Variants in DIS3L2 observed in about 807,000 individuals in gnomAD.
DIS3L2 encodes the protein DIS3 like 3'-5' exoribonuclease 2, also known as DIS3-like exonuclease 2.
Under a neutral mutation model 97.5 loss-of-function variants are expected in DIS3L2, and 34 were observed. The observed-to-expected ratio is 0.35, with a 90% CI of 0.27 to 0.46. The LOEUF is 0.46. Among genes scored for constraint, DIS3L2 ranks in the 20% least tolerant of loss-of-function variants. DIS3L2 has a pLI of 1.00. For missense variants in DIS3L2, 1,038 were observed against 1,146.0 expected (o/e 0.91, Z 1.36); for synonymous variants, 435 against 445.2 (o/e 0.98, Z 0.29).
intron 5 of DIS3L2, among the ~76,000 whole-genome samples, chr2:232,080,573 GTC>G (rs1051318929): frequency 1.3e-5 from 2 of 151,754 alleles, no homozygotes; most frequent in Non-Finnish European, 2.9e-5. Flanking sequence ...TCAGATTTTT[GTC>G]TCTCCTCCTT....
chr2:232,118,915 G>T (rs1165233753), intron 6 of DIS3L2, among the ~76,000 whole-genome samples: 1 of 152,194 alleles, frequency 6.6e-6, no homozygotes, highest in Non-Finnish European at 1.5e-5. Flanking sequence ...TCTCAGAAAT[G>T]ATGCTATCTG....
intron 5 of DIS3L2, among the ~76,000 whole-genome samples, chr2:232,033,793 C>T (rs962920617): frequency 6.6e-6 from 1 of 152,138 alleles, no homozygotes; most frequent in African/African-American, 2.4e-5. Context: ...TATATTGAAC[C>T]AGCCTTGCAT....
chr2:232,226,767 T>C (rs1365932849), intron 10 of DIS3L2, among the ~76,000 whole-genome samples: 2 of 151,796 alleles, frequency 1.3e-5, no homozygotes, highest in African/African-American at 4.8e-5. Flanking sequence ...AGCCTAGGAG[T>C]TCGACCCCAG....
intron 9 of DIS3L2, among the ~76,000 whole-genome samples, chr2:232,190,490 G>A (rs959774202): frequency 1.4e-4 from 22 of 152,186 alleles, no homozygotes; most frequent in South Asian, 1.2e-3. Flanking sequence ...GAACATGAAC[G>A]ACACAATTTT....
intron 7 of DIS3L2, chr2:232,131,859 G>A (rs1225623249): frequency 6.7e-6 from 1 of 149,050 alleles, no homozygotes; most frequent in Non-Finnish European, 1.5e-5. Context: ...AGAATGAATG[G>A]AAAGCCTGGG....
intron 6 of DIS3L2, among the ~76,000 whole-genome samples, chr2:232,122,598 A>T (rs1444799645): frequency 6.6e-6 from 1 of 152,082 alleles, no homozygotes; most frequent in Non-Finnish European, 1.5e-5. Flanking sequence ...GGTGCCTGTA[A>T]TCCCAGCTAC....
intron 9 of DIS3L2, among the ~76,000 whole-genome samples, chr2:232,199,272 A>T (rs1170927338): frequency 6.6e-6 from 1 of 152,222 alleles, no homozygotes; most frequent in Non-Finnish European, 1.5e-5. Context: ...TCTTGAAAAA[A>T]GTCATGTTTG....
chr2:232,336,640 G>GCCGCCTGCCCCGCCTGCC lies in DIS3L2; in HGVS notation c.*20_*37dup, dbSNP rs538186468. The GCCGCCTGCCCCGCCTGCC allele has an allele frequency of 9.0e-6, 14 of 1,552,062 alleles. No homozygotes were observed. The highest frequency in any genetic ancestry group is 3.8e-5 in the Admixed American group (2 of 52,218). On this transcript the variant is annotated 3_prime_UTR_variant, in exon 21 of 21. Coordinates refer to ENST00000325385, the MANE Select transcript of DIS3L2 (RefSeq NM_152383.5). Reference sequence around the variant, plus strand: ...CTCAAGCACCAGCTGAGCTCCACCAGCCGCCTGCCCCGCCTGCCCCGCCTG... The same window carrying GCCGCCTGCCCCGCCTGCC: ...CTCAAGCACCAGCTGAGCTCCACCAGCCGCCTGCCCCGCCTGCCCCGCCTGCCCCGCCTGCCCCGCCTG...
At chr2:231,968,053 TG>T (rs1692775038) in intron 1 of DIS3L2, among the ~76,000 whole-genome samples, 1 of 152,118 alleles carries the variant, frequency 6.6e-6, no homozygotes, top group African/African-American at 2.4e-5. Flanking sequence ...TGCCCAAAGC[TG>T]TTTTCATACC....
chr2:231,988,717 G>A (rs575326514), intron 1 of DIS3L2, among the ~76,000 whole-genome samples: 3 of 152,244 alleles, frequency 2.0e-5, no homozygotes, highest in African/African-American at 7.2e-5. Context: ...ACTTCCAGAT[G>A]TTTGCAGCCG....
intron 13 of DIS3L2, among the ~76,000 whole-genome samples, chr2:232,282,166 A>AAT: frequency 6.7e-6 from 1 of 149,340 alleles, no homozygotes; most frequent in South Asian, 2.1e-4. Flanking sequence ...AAAAAAAAAA[A>AAT]GGGAATTCAC....
chr2:232,318,552 G>C (rs1000040379), intron 14 of DIS3L2, among the ~76,000 whole-genome samples: 1 of 152,194 alleles, frequency 6.6e-6, no homozygotes, highest in Non-Finnish European at 1.5e-5. Context: ...CAAAGGCCAG[G>C]GGGGAGGTGA....
intron 9 of DIS3L2, among the ~76,000 whole-genome samples, chr2:232,202,609 C>T (rs561006812): frequency 4.6e-5 from 7 of 152,256 alleles, no homozygotes; most frequent in Non-Finnish European, 8.8e-5. Context: ...TCTGAGGACC[C>T]GAGGTTAGAA....
At chr2:231,993,410 C>T (rs551231884) in intron 1 of DIS3L2, among the ~76,000 whole-genome samples, 14 of 151,840 alleles carry the variant, frequency 9.2e-5, no homozygotes, top group Admixed American at 3.3e-4. Flanking sequence ...GACAGGGTTT[C>T]GCCATGTTGG....
Position 232,269,406 on chromosome 2 carries a change from C to T in DIS3L2, c.1659+5966C>T, listed in dbSNP as rs144377892. On this transcript the variant is annotated intron_variant, in intron 13 of 20. Transcript: ENST00000325385. This position sits in a 1 kb window ranked among gnomAD's most constrained non-coding sequence, Gnocchi z 4.5. ...TTATTTATGTTGTCACTTAAACACA[C>T]GAGGAAGCTATTGATCACAGGGTTG... Among the ~76,000 whole-genome samples, 44 of 152,226 alleles carry T rather than the reference C, an allele frequency of 2.9e-4. No individual in the cohort carries two copies. In the East Asian group the frequency reaches 6.7e-3, roughly 23 times the overall value.
intron 10 of DIS3L2, among the ~76,000 whole-genome samples, chr2:232,215,286 G>A (rs1402126424): frequency 6.6e-6 from 1 of 152,022 alleles, no homozygotes; most frequent in African/African-American, 2.4e-5. Flanking sequence ...CTACAGCCCC[G>A]GGTGCACAGC....
chr2:232,127,084 T>C (rs921609424), intron 6 of DIS3L2, among the ~76,000 whole-genome samples: 1 of 152,228 alleles, frequency 6.6e-6, no homozygotes, highest in Non-Finnish European at 1.5e-5. Context: ...AAGAGTTTCA[T>C]GGATTTAGGG....
chr2:231,970,796 CT>C (rs1183464955), intron 1 of DIS3L2, among the ~76,000 whole-genome samples: 1 of 147,550 alleles, frequency 6.8e-6, no homozygotes, highest in African/African-American at 2.6e-5. Context: ...CTTACTGTGA[CT>C]TTTTTTACTT....
intron 11 of DIS3L2, among the ~76,000 whole-genome samples, chr2:232,246,667 C>T (rs944079157): frequency 6.6e-6 from 1 of 152,250 alleles, no homozygotes; most frequent in Non-Finnish European, 1.5e-5. Context: ...GTCTTTCCTG[C>T]ACCATGCTGC....
Sources: gnomAD v4.1 joint callset for allele counts (sites outside exome capture counted in the v4.1 genomes callset) on GRCh38, gnomAD v4.1.1 for gene constraint, Gnocchi (gnomAD v3.1) non-coding constraint, MANE v1.5 for transcripts, NCBI Gene and HGNC (gene_info 2026-07-23, HGNC 2026-07-21) for gene names.